The following TENM2 variants were observed in gnomAD, a reference collection of about 807,000 sequenced individuals.
TENM2 encodes teneurin transmembrane protein 2.
TENM2 carries 52 observed loss-of-function variants against 245.2 expected under a neutral mutation model. The ratio of observed to expected loss-of-function variants is 0.21; its 90% CI spans 0.17 to 0.27. The LOEUF is 0.27. Among genes scored for constraint, TENM2 ranks in the 10% least tolerant of loss-of-function variants. The pLI, the probability that TENM2 is intolerant of heterozygous loss-of-function variation, is 1.00. For missense variants in TENM2, 3,046 were observed against 3,666.8 expected (o/e 0.83, Z 4.37); for synonymous variants, 1,363 against 1,438.9 (o/e 0.95, Z 1.19).
At chr5:167,628,736 C>T (rs573816002) in intron 2 of TENM2, among the ~76,000 whole-genome samples, 6 of 152,288 alleles carry the variant, frequency 3.9e-5, no homozygotes, top group South Asian at 2.1e-4. Context: ...CTCTGTCTTC[C>T]GTTTCATTTG....
intron 5 of TENM2, among the ~76,000 whole-genome samples, chr5:168,036,066 G>A (rs977718001): frequency 4.6e-5 from 7 of 152,178 alleles, no homozygotes; most frequent in African/African-American, 1.2e-4. Flanking sequence ...TCCCAGGCCA[G>A]TGTTAAGGGA....
chr5:167,677,212 T>A (rs888161699), intron 2 of TENM2, among the ~76,000 whole-genome samples: 1 of 152,236 alleles, frequency 6.6e-6, no homozygotes, highest in South Asian at 2.1e-4. Context: ...AAACACAGCT[T>A]ATTTTAATTA....
chr5:167,404,693 C>T (rs910261879), intron 2 of TENM2, among the ~76,000 whole-genome samples: 1 of 151,922 alleles, frequency 6.6e-6, no homozygotes, highest in African/African-American at 2.4e-5. Context: ...CCTCTCCATG[C>T]GTGTTGGTCA....
At chr5:167,103,699 A>C in the TENM2 span, among the ~76,000 whole-genome samples, 3 of 152,266 alleles carry the variant, frequency 2.0e-5, no homozygotes, top group African/African-American at 7.2e-5. Flanking sequence ...CTGTGAATCT[A>C]ACCATGTTTG....
At chr5:167,723,286 C>G (rs1399726326) in intron 2 of TENM2, among the ~76,000 whole-genome samples, 1 of 152,074 alleles carries the variant, frequency 6.6e-6, no homozygotes, top group Non-Finnish European at 1.5e-5. Flanking sequence ...CTGATTTGGC[C>G]CCTGAGTCCT....
intron 2 of TENM2, among the ~76,000 whole-genome samples, chr5:167,800,985 G>T (rs1167816153): frequency 4.7e-5 from 7 of 149,846 alleles, no homozygotes; most frequent in Non-Finnish European, 1.0e-4. Context: ...CAAAACCACT[G>T]CCTTAAAAAA....
the TENM2 span, among the ~76,000 whole-genome samples, chr5:167,257,287 A>G: frequency 6.6e-6 from 1 of 152,124 alleles, no homozygotes; most frequent in African/African-American, 2.4e-5. Context: ...AGATACATTT[A>G]TATACTTATA....
At chr5:167,491,878 A>G (rs1290839230) in intron 2 of TENM2, among the ~76,000 whole-genome samples, 1 of 152,140 alleles carries the variant, frequency 6.6e-6, no homozygotes, top group African/African-American at 2.4e-5. Flanking sequence ...AAATACTTGG[A>G]ATCTCTAGGT....
intron 2 of TENM2, among the ~76,000 whole-genome samples, chr5:167,812,486 G>A (rs531058126): frequency 6.6e-6 from 1 of 152,288 alleles, no homozygotes; most frequent in Admixed American, 6.5e-5. Flanking sequence ...GACTTAAATG[G>A]GAAGAATGAA....
At chr5:168,098,634 TA>T (rs1183934515) in intron 9 of TENM2, among the ~76,000 whole-genome samples, 2 of 152,094 alleles carry the variant, frequency 1.3e-5, no homozygotes, top group Admixed American at 6.5e-5. Context: ...AAAGGTAATA[TA>T]AGAAAGAAAA....
intron 6 of TENM2, among the ~76,000 whole-genome samples, chr5:168,056,292 C>G (rs1789536609): frequency 6.6e-6 from 1 of 152,200 alleles, no homozygotes; most frequent in Admixed American, 6.5e-5. Context: ...CTTTTTATCT[C>G]TTTGGAGGCA....
the TENM2 span, among the ~76,000 whole-genome samples, chr5:167,024,827 C>A: frequency 6.6e-6 from 1 of 152,184 alleles, no homozygotes; most frequent in African/African-American, 2.4e-5. Context: ...CCAGATTCAT[C>A]TTTTTTCAAC....
chr5:168,196,682 G>A (rs1470223705), intron 15 of TENM2, among the ~76,000 whole-genome samples: 2 of 152,062 alleles, frequency 1.3e-5, no homozygotes, highest in African/African-American at 2.4e-5. Flanking sequence ...GGCTGGTCTC[G>A]AACTCCTAAC....
chr5:167,954,256 G>T (rs968822837), intron 4 of TENM2, among the ~76,000 whole-genome samples: 1 of 151,874 alleles, frequency 6.6e-6, no homozygotes. Flanking sequence ...CAAAGTAAAC[G>T]TTATAACAAC....
intron 2 of TENM2, among the ~76,000 whole-genome samples, chr5:167,450,304 T>A (rs1765498717): frequency 6.6e-6 from 1 of 152,188 alleles, no homozygotes; most frequent in Non-Finnish European, 1.5e-5. Context: ...GAGTAGACAG[T>A]TCAAAGTCTC....
intron 2 of TENM2, among the ~76,000 whole-genome samples, chr5:167,618,274 G>A (rs943524479): frequency 6.6e-6 from 1 of 152,100 alleles, no homozygotes; most frequent in Non-Finnish European, 1.5e-5. Context: ...GCTTGTGGGT[G>A]GGTGGCAGAG....
chr5:168,156,483 A>G (rs1002167816), intron 12 of TENM2, among the ~76,000 whole-genome samples: 1 of 151,786 alleles, frequency 6.6e-6, no homozygotes, highest in Non-Finnish European at 1.5e-5. Flanking sequence ...TTAAAATCCT[A>G]TTTCTCTCTT....
chr5:167,740,844 C>T (rs77611961), intron 2 of TENM2, among the ~76,000 whole-genome samples: 2,752 of 152,244 alleles, frequency 0.018, 68 homozygotes, highest in African/African-American at 0.06. Context: ...TCCCTAGGCC[C>T]TCCTTGACTT....
chr5:167,069,600 A>G, the TENM2 span, among the ~76,000 whole-genome samples: 3 of 152,330 alleles, frequency 2.0e-5, no homozygotes, highest in East Asian at 3.9e-4. Context: ...TGAAATAAAA[A>G]TCAATGTATA....
Sources: gnomAD v4.1 joint callset for allele counts (sites outside exome capture counted in the v4.1 genomes callset) on GRCh38, gnomAD v4.1.1 for gene constraint, MANE v1.5 for transcripts, NCBI Gene and HGNC (gene_info 2026-07-23, HGNC 2026-07-21) for gene names.